MAST4: variants seen among roughly 807,000 people sequenced by gnomAD.
MAST4 encodes the protein microtubule associated serine/threonine kinase family member 4, also known as microtubule-associated serine/threonine-protein kinase 4.
In MAST4, 89 loss-of-function variants were observed where a neutral mutation model predicts 162.7. That is an observed-to-expected ratio of 0.55 (90% CI 0.46 to 0.65). The LOEUF is 0.65. Ranked by LOEUF, MAST4 falls within the 30% of genes least tolerant of loss-of-function variation. The pLI is 0.00. For missense variants in MAST4, 3,153 were observed against 3,374.0 expected (o/e 0.93, Z 1.62); for synonymous variants, 1,479 against 1,361.1 (o/e 1.09, Z -1.91).
chr5:67,157,207 A>G (rs141034914), intron 26 of MAST4, among the ~76,000 whole-genome samples: 20 of 152,288 alleles, frequency 1.3e-4, no homozygotes, highest in African/African-American at 3.9e-4. Flanking sequence ...CATTTTTCCA[A>G]TCATTTACCA....
At chr5:66,744,293 A>G (rs1480157810) in intron 1 of MAST4, among the ~76,000 whole-genome samples, 1 of 152,160 alleles carries the variant, frequency 6.6e-6, no homozygotes, top group South Asian at 2.1e-4. Flanking sequence ...ATGTTTCTTA[A>G]GAATGCTTTT....
At position 66,882,753 on chromosome 5, in the gene MAST4, A is replaced by G. The variant is rs547795961; in HGVS notation, c.643-17198A>G. Among the ~76,000 whole-genome samples the G allele has an allele frequency of 3.0e-4, 45 of 152,242 alleles. No homozygotes were observed. The South Asian group carries it at 9.1e-3, about 31-fold the overall frequency. On this transcript the variant is annotated intron_variant, in intron 3 of 28. Transcript: ENST00000403625. Reference sequence around the variant, plus strand: ...CTTCTCTTGGCCATGGGTCATAACAATATCCAAACCTAGCTCAAGCAGGGA... The same window carrying G: ...CTTCTCTTGGCCATGGGTCATAACAGTATCCAAACCTAGCTCAAGCAGGGA...
intron 4 of MAST4, among the ~76,000 whole-genome samples, chr5:67,035,209 A>T (rs1343743358): frequency 6.6e-6 from 1 of 152,142 alleles, no homozygotes; most frequent in African/African-American, 2.4e-5. Flanking sequence ...CTTGGCTTTG[A>T]TTAGCGTTGC....
chr5:66,995,117 TA>T (rs1452295291), intron 4 of MAST4, among the ~76,000 whole-genome samples: 1 of 151,952 alleles, frequency 6.6e-6, no homozygotes, highest in Non-Finnish European at 1.5e-5. Context: ...AAATCAGAGA[TA>T]TTTTTCATTT....
chr5:66,695,561 ATCGT>A (rs1749345592), intron 1 of MAST4, among the ~76,000 whole-genome samples: 1 of 152,102 alleles, frequency 6.6e-6, no homozygotes. Flanking sequence ...AAGAATGTCA[ATCGT>A]AGTTTAATGT....
At chr5:66,845,126 T>TATATATACATACAC (rs1358855625) in intron 3 of MAST4, among the ~76,000 whole-genome samples, 3 of 67,178 alleles carry the variant, frequency 4.5e-5, no homozygotes, top group African/African-American at 1.7e-4. Flanking sequence ...TATATATATA[T>TATATATACATACAC]ACACACACAC....
chr5:66,941,013 G>A (rs940684955), intron 4 of MAST4, among the ~76,000 whole-genome samples: 2 of 152,016 alleles, frequency 1.3e-5, no homozygotes, highest in African/African-American at 4.8e-5. Context: ...TATCTCGAGA[G>A]GAATCTTTTT....
chr5:66,642,975 A>G (rs1745584770), intron 1 of MAST4, among the ~76,000 whole-genome samples: 2 of 152,212 alleles, frequency 1.3e-5, no homozygotes, highest in Non-Finnish European at 2.9e-5. Flanking sequence ...AAATTGAACC[A>G]TACCTTTTGA....
rs115968000 is a variant in MAST4 at position 66,971,110 on chromosome 5, A to G, written c.674+71128A>G. Among the ~76,000 whole-genome samples, 347 of 152,266 alleles carry G rather than the reference A, an allele frequency of 2.3e-3. 1 individual carries two copies. Among genetic ancestry groups the G allele is most frequent in the African/African-American group, 7.9e-3 (329 of 41,554 alleles). ...TCATTTTCATTTGCATTCACAGTGT[A>G]AGATTCCATTTACTGGCAGGTGGAT... On this transcript the variant is annotated intron_variant, in intron 4 of 28. Transcript: ENST00000403625.
intron 3 of MAST4, among the ~76,000 whole-genome samples, chr5:66,880,922 G>A (rs903818812): frequency 6.6e-6 from 1 of 152,156 alleles, no homozygotes; most frequent in Admixed American, 6.5e-5. Flanking sequence ...TGGAAGGTGA[G>A]TATAGCCAGC....
chr5:67,079,308 C>A (rs1277227758), intron 5 of MAST4, among the ~76,000 whole-genome samples: 1 of 151,938 alleles, frequency 6.6e-6, no homozygotes, highest in African/African-American at 2.4e-5. Flanking sequence ...GATGGGCTAA[C>A]ACAGAAAGTT....
At chr5:66,784,056 G>T (rs1398373547) in intron 2 of MAST4, among the ~76,000 whole-genome samples, 2 of 152,000 alleles carry the variant, frequency 1.3e-5, no homozygotes, top group African/African-American at 4.8e-5. Flanking sequence ...CTGTTGCCTT[G>T]ACTTTGATGT....
chr5:67,127,655 A>G (rs1768426762), intron 14 of MAST4, among the ~76,000 whole-genome samples: 1 of 152,122 alleles, frequency 6.6e-6, no homozygotes, highest in Admixed American at 6.6e-5. Context: ...GGGATGGCCA[A>G]GTTATTTTCT....
chr5:66,762,975 C>T (rs141587163), intron 2 of MAST4, among the ~76,000 whole-genome samples: 3 of 152,168 alleles, frequency 2.0e-5, no homozygotes, highest in Non-Finnish European at 2.9e-5. Flanking sequence ...GTGTAGCAGG[C>T]ATTGTGTTTA....
At chr5:66,788,359 T>C (rs1028496845) in intron 2 of MAST4, among the ~76,000 whole-genome samples, 1 of 152,212 alleles carries the variant, frequency 6.6e-6, no homozygotes, top group Admixed American at 6.5e-5. Context: ...GAGAATGCTT[T>C]GTGTACTTAT....
intron 5 of MAST4, among the ~76,000 whole-genome samples, chr5:67,063,538 T>A (rs1367278128): frequency 1.3e-5 from 2 of 152,186 alleles, no homozygotes; most frequent in Non-Finnish European, 2.9e-5. Context: ...AGATTTTTAT[T>A]CTCTCCTTTA....
At chr5:66,715,548 A>G (rs1750773561) in intron 1 of MAST4, among the ~76,000 whole-genome samples, 1 of 150,932 alleles carries the variant, frequency 6.6e-6, no homozygotes, top group Non-Finnish European at 1.5e-5. Flanking sequence ...GAGGTATAGC[A>G]TTAGGAGATA....
intron 1 of MAST4, among the ~76,000 whole-genome samples, chr5:66,644,404 G>A (rs75759820): frequency 0.01 from 1,558 of 152,246 alleles, 22 homozygotes; most frequent in African/African-American, 0.036. Context: ...TCTATGCTTA[G>A]GTAACTTTTG....
chr5:66,636,061 G>A (rs1321333038), intron 1 of MAST4, among the ~76,000 whole-genome samples: 2 of 138,456 alleles, frequency 1.4e-5, no homozygotes, highest in Non-Finnish European at 3.0e-5. Context: ...GGGTTCAAGC[G>A]ATTCTTCTGC....
Sources: gnomAD v4.1 joint callset for allele counts (sites outside exome capture counted in the v4.1 genomes callset) on GRCh38, gnomAD v4.1.1 for gene constraint, MANE v1.5 for transcripts, NCBI Gene and HGNC (gene_info 2026-07-23, HGNC 2026-07-21) for gene names.